Variants in IL23R observed in about 807,000 individuals in gnomAD.
IL23R encodes the protein interleukin-23 receptor.
A neutral mutation model predicts 56.9 loss-of-function variants in IL23R; 34 were observed. The ratio of observed to expected loss-of-function variants is 0.60; its 90% CI spans 0.45 to 0.80. The LOEUF is 0.80. Among genes scored for constraint, IL23R ranks in the 30% least tolerant of loss-of-function variants. The pLI, the probability that IL23R is intolerant of heterozygous loss-of-function variation, is 0.00. For missense variants in IL23R, 635 were observed against 730.0 expected (o/e 0.87, Z 1.50); for synonymous variants, 230 against 249.2 (o/e 0.92, Z 0.73).
At chr1:67,165,009 A>G (rs1055105100), upstream of IL23R, among the ~76,000 whole-genome samples, 4 of 152,158 alleles carry the variant, frequency 2.6e-5, no homozygotes, top group African/African-American at 7.2e-5. Flanking sequence ...GGAGTTCAAG[A>G]CTAGCTTGGG....
chr1:67,225,008 A>G (rs180777902), intron 7 of IL23R, among the ~76,000 whole-genome samples: 50 of 152,338 alleles, frequency 3.3e-4, no homozygotes, highest in Non-Finnish European at 6.2e-4. Flanking sequence ...CAAGGCTGGT[A>G]AACAGTAGAG....
chr1:67,204,428 T>G (rs1648865664), intron 5 of IL23R, among the ~76,000 whole-genome samples: 1 of 152,226 alleles, frequency 6.6e-6, no homozygotes, highest in African/African-American at 2.4e-5. Context: ...TATTCAAGTA[T>G]GTATTACATA....
At chr1:67,222,102 C>CTTTT (rs72241835) in intron 7 of IL23R, among the ~76,000 whole-genome samples, 411 of 58,938 alleles carry the variant, frequency 7.0e-3, no homozygotes, top group Middle Eastern at 0.012. Flanking sequence ...TTCTTTCTTT[C>CTTTT]TTTTTTTTTT....
intron 8 of IL23R, 30 bp from the exon 9 acceptor site, chr1:67,240,149 G>T: frequency 7.0e-7 from 1 of 1,423,094 alleles, no homozygotes. Flanking sequence ...CTAATGCTTG[G>T]TTAAAATTAT....
chr1:67,262,036 C>G (rs1478081794), downstream of IL23R, among the ~76,000 whole-genome samples: 1 of 152,204 alleles, frequency 6.6e-6, no homozygotes, highest in Non-Finnish European at 1.5e-5. Context: ...AGCAATGTAC[C>G]TGCCTTTGTC....
intron 1 of IL23R, among the ~76,000 whole-genome samples, chr1:67,160,023 A>G (rs189720893): frequency 1.8e-4 from 27 of 152,206 alleles, no homozygotes; most frequent in Admixed American, 1.8e-3. Flanking sequence ...TTATTTATTT[A>G]TTTTTAAAAA....
intron 4 of IL23R, among the ~76,000 whole-genome samples, chr1:67,184,955 T>C (rs768467430): frequency 6.6e-6 from 1 of 152,122 alleles, no homozygotes; most frequent in Non-Finnish European, 1.5e-5. Flanking sequence ...AAAGAGAGCT[T>C]GTTTGCCCTT....
At chr1:67,205,873 A>ATCTTTT (rs1226325077) in intron 5 of IL23R, among the ~76,000 whole-genome samples, 1 of 139,110 alleles carries the variant, frequency 7.2e-6, no homozygotes, top group African/African-American at 2.6e-5. Context: ...TTGAACATCC[A>ATCTTTT]TCTTTCTTTC....
At chr1:67,190,432 G>GGA (rs1647655610) in intron 4 of IL23R, among the ~76,000 whole-genome samples, 1 of 139,118 alleles carries the variant, frequency 7.2e-6, no homozygotes, top group South Asian at 2.2e-4. Context: ...TAATGATAGG[G>GGA]AAAAAAAAAA....
At chr1:67,207,290 A>G (rs1649141592) in intron 6 of IL23R, 2 of 576,012 alleles carry the variant, frequency 3.5e-6, no homozygotes, top group East Asian at 6.5e-5. Context: ...TTGGGGTATG[A>G]TTGATCCTGT....
intron 4 of IL23R, among the ~76,000 whole-genome samples, chr1:67,200,079 G>A (rs939854464): frequency 3.3e-5 from 5 of 152,176 alleles, no homozygotes; most frequent in Admixed American, 6.5e-5. Context: ...TCGCTCTGTC[G>A]CCCCTGCTGG....
chr1:67,259,425 A>G lies in IL23R; in HGVS notation c.*297A>G. The G allele has an allele frequency of 2.5e-6, 1 of 395,876 alleles. No homozygotes were observed. 24.5% of individuals were successfully genotyped at this position (395,876 alleles called of 1,614,324 possible). On this transcript the variant is annotated 3_prime_UTR_variant, in exon 11 of 11. Transcript: ENST00000347310. ...GCTCCATGCCTTTTTAATTTTAGCC[A>G]TTCTTCTGCCTCATTTCTTAAAATT...
intron 7 of IL23R, among the ~76,000 whole-genome samples, chr1:67,224,893 A>G (rs993266422): frequency 4.6e-5 from 7 of 152,336 alleles, no homozygotes; most frequent in South Asian, 4.1e-4. Context: ...CATTTTACAT[A>G]TGAATTGTTC....
At chr1:67,173,307 T>A (rs78535850) in intron 3 of IL23R, among the ~76,000 whole-genome samples, 3,164 of 152,296 alleles carry the variant, frequency 0.021, 98 homozygotes, top group African/African-American at 0.072. Flanking sequence ...ATCTTTTTGA[T>A]CTTTTGCAAA....
At chr1:67,218,145 A>G (rs912809613) in intron 6 of IL23R, among the ~76,000 whole-genome samples, 32 of 151,950 alleles carry the variant, frequency 2.1e-4, no homozygotes, top group African/African-American at 7.7e-4. Flanking sequence ...ATTACGTTTT[A>G]TAGCAGGGTG....
intron 1 of IL23R, among the ~76,000 whole-genome samples, chr1:67,146,969 A>G (rs1163134312): frequency 1.3e-5 from 2 of 152,184 alleles, no homozygotes; most frequent in African/African-American, 2.4e-5. Flanking sequence ...GTTCTGGTCA[A>G]TCATAGAACT....
chr1:67,179,467 C>T (rs1006016229), intron 3 of IL23R, among the ~76,000 whole-genome samples: 2 of 151,834 alleles, frequency 1.3e-5, no homozygotes, highest in African/African-American at 2.4e-5. Context: ...GGTGATATCC[C>T]CTGTATCATT....
At chr1:67,261,304 A>G (rs887563263), downstream of IL23R, among the ~76,000 whole-genome samples, 17 of 149,420 alleles carry the variant, frequency 1.1e-4, no homozygotes. Context: ...TAAGTAATTC[A>G]TCAGAAATTT....
intron 6 of IL23R, among the ~76,000 whole-genome samples, chr1:67,215,016 C>T (rs929567640): frequency 1.4e-4 from 22 of 152,322 alleles, no homozygotes; most frequent in African/African-American, 5.1e-4. Flanking sequence ...TGCATGCAGC[C>T]TCTGTCACGT....
Sources: gnomAD v4.1 joint callset for allele counts (sites outside exome capture counted in the v4.1 genomes callset) on GRCh38, gnomAD v4.1.1 for gene constraint, MANE v1.5 for transcripts, NCBI Gene and HGNC (gene_info 2026-07-23, HGNC 2026-07-21) for gene names.